BRINP3: variants seen among roughly 807,000 people sequenced by gnomAD.
BRINP3 encodes BMP/retinoic acid inducible neural specific 3.
A neutral mutation model predicts 71.0 loss-of-function variants in BRINP3; 19 were observed. That is an observed-to-expected ratio of 0.27 (90% CI 0.19 to 0.39). The LOEUF (loss-of-function observed/expected upper bound fraction) is 0.39, where lower values mean the gene tolerates loss of function less well. BRINP3 is among the 10% of genes least tolerant of loss of function. The probability of loss-of-function intolerance (pLI) is 1.00; values close to 1 mark genes in which losing one functional copy is unlikely to be tolerated. For missense variants in BRINP3, 959 were observed against 940.8 expected (o/e 1.02, Z -0.25); for synonymous variants, 380 against 337.7 (o/e 1.13, Z -1.37).
intron 3 of BRINP3, among the ~76,000 whole-genome samples, chr1:190,265,699 A>G (rs912524819): frequency 4.0e-5 from 6 of 151,682 alleles, no homozygotes; most frequent in Non-Finnish European, 8.8e-5. Context: ...TGGGCGACAG[A>G]GCGAGACTCC....
chr1:190,476,520 G>A (rs903704963), intron 1 of BRINP3, among the ~76,000 whole-genome samples: 1 of 152,144 alleles, frequency 6.6e-6, no homozygotes, highest in African/African-American at 2.4e-5. Context: ...CGGAAGAGGA[G>A]GTGATAATCT....
At chr1:190,229,689 C>CACACACACACAA (rs1343331809) in intron 5 of BRINP3, among the ~76,000 whole-genome samples, 1 of 145,674 alleles carries the variant, frequency 6.9e-6, no homozygotes, top group Non-Finnish European at 1.5e-5. Context: ...CACACACACA[C>CACACACACACAA]AAAGAAACCA....
chr1:190,336,670 A>G lies in BRINP3; in HGVS notation c.237-54920T>C, dbSNP rs187869401. On this transcript the variant is annotated intron_variant, in intron 2 of 7. Coordinates refer to ENST00000367462, the MANE Select transcript of BRINP3 (RefSeq NM_199051.3). ...AACTGGTGTAGACAAAATAGCATGCATCCAGCACTGCAAAACGTGCTCTTT... is the reference window on the plus strand; with the variant it reads ...AACTGGTGTAGACAAAATAGCATGCGTCCAGCACTGCAAAACGTGCTCTTT... Among the ~76,000 whole-genome samples, 318 of 152,152 alleles carry G rather than the reference A, an allele frequency of 2.1e-3. 1 individual carries two copies. Among genetic ancestry groups the G allele is most frequent in the African/African-American group, 6.5e-3 (269 of 41,558 alleles).
At chr1:190,366,767 A>G (rs745901864) in intron 2 of BRINP3, among the ~76,000 whole-genome samples, 2 of 152,222 alleles carry the variant, frequency 1.3e-5, no homozygotes, top group East Asian at 3.9e-4. Flanking sequence ...CAAAGGGGCT[A>G]CAGTCCCCAT....
intron 2 of BRINP3, among the ~76,000 whole-genome samples, chr1:190,282,542 T>TA (rs1229289953): frequency 6.6e-6 from 1 of 151,996 alleles, no homozygotes; most frequent in Non-Finnish European, 1.5e-5. Context: ...CACTCTTCAT[T>TA]AGGCTTAATA....
At chr1:190,451,272 C>G (rs745605089) in intron 2 of BRINP3, among the ~76,000 whole-genome samples, 2 of 152,068 alleles carry the variant, frequency 1.3e-5, no homozygotes, top group Non-Finnish European at 2.9e-5. Flanking sequence ...AAGTTGCCAG[C>G]CTCTGACCTT....
intron 2 of BRINP3, among the ~76,000 whole-genome samples, chr1:190,301,415 A>G (rs1664731704): frequency 6.6e-6 from 1 of 150,628 alleles, no homozygotes; most frequent in Non-Finnish European, 1.5e-5. Context: ...TTTTCACTTC[A>G]CCTGTCAAAA....
chr1:190,226,787 G>A (rs2102704277), intron 5 of BRINP3, among the ~76,000 whole-genome samples: 1 of 152,030 alleles, frequency 6.6e-6, no homozygotes, highest in Non-Finnish European at 1.5e-5. Context: ...CATATTGAAT[G>A]TTGATGGTAA....
At chr1:190,237,523 T>A (rs190114143) in intron 4 of BRINP3, among the ~76,000 whole-genome samples, 33 of 152,070 alleles carry the variant, frequency 2.2e-4, no homozygotes, top group Admixed American at 2.0e-3. Flanking sequence ...AGTAACAAAT[T>A]CCCATGATGG....
At chr1:190,203,029 G>A (rs1055527530) in intron 6 of BRINP3, among the ~76,000 whole-genome samples, 2 of 152,058 alleles carry the variant, frequency 1.3e-5, no homozygotes, top group African/African-American at 4.8e-5. Context: ...CTAGGAAGCT[G>A]TCATTTTTAC....
chr1:190,304,274 A>G lies in BRINP3; in HGVS notation c.237-22524T>C, dbSNP rs547448628. On this transcript the variant is annotated intron_variant, in intron 2 of 7. Coordinates refer to ENST00000367462, the MANE Select transcript of BRINP3 (RefSeq NM_199051.3). Reference sequence around the variant, plus strand: ...TGCATTTACACTTTTCAATAAACATATAAACATATCCCTAGGTAGCTAGTA... The same window carrying G: ...TGCATTTACACTTTTCAATAAACATGTAAACATATCCCTAGGTAGCTAGTA... 3.3e-5 allele frequency among the ~76,000 whole-genome samples: 5 copies of G among 151,996 alleles called. No individual in the cohort carries two copies. The South Asian group carries it at 1.0e-3, about 31-fold the overall frequency.
In BRINP3 at chr1:190,098,579, G is replaced by A. The variant is rs1411403039; in HGVS notation, c.1740C>T (p.His580=). 2 of 1,614,166 alleles carry A rather than the reference G, an allele frequency of 1.2e-6. No individual in the cohort carries two copies. Among genetic ancestry groups the A allele is most frequent in the South Asian group, 1.1e-5 (1 of 91,086 alleles). ...AVYVNPFGGS[H]SESWFMPVNE... The stretch of plus-strand genomic sequence containing the variant: ...TCACAGGCATAAACCAGCTCTCAGA[G>A]TGGCTGCCTCCGAAGGGATTGACAT... The change falls in exon 8 of 8, where the codon CAC becomes CAT. Residue 580 remains histidine (H), a synonymous_variant. Coordinates refer to ENST00000367462, the MANE Select transcript of BRINP3 (RefSeq NM_199051.3).
chr1:190,385,029 A>T (rs994156103), intron 2 of BRINP3, among the ~76,000 whole-genome samples: 1 of 152,042 alleles, frequency 6.6e-6, no homozygotes, highest in African/African-American at 2.4e-5. Context: ...TAGAAAGCTG[A>T]AACTGGATCC....
intron 4 of BRINP3, among the ~76,000 whole-genome samples, chr1:190,237,446 C>A (rs1658629092): frequency 6.6e-6 from 1 of 151,682 alleles, no homozygotes; most frequent in Non-Finnish European, 1.5e-5. Flanking sequence ...TACAGAGATG[C>A]TAACTGTGCC....
intron 2 of BRINP3, among the ~76,000 whole-genome samples, chr1:190,369,155 A>C (rs1485870932): frequency 7.2e-5 from 11 of 152,148 alleles, no homozygotes; most frequent in African/African-American, 2.7e-4. Context: ...TTAATAAAGA[A>C]GGTATATATA....
intron 7 of BRINP3, among the ~76,000 whole-genome samples, chr1:190,154,366 A>G (rs183306124): frequency 9.7e-4 from 147 of 152,300 alleles, no homozygotes; most frequent in African/African-American, 2.6e-3. Flanking sequence ...GGCATTCTCT[A>G]TCCTAAAGAG....
chr1:190,201,688 G>A (rs977212266), intron 6 of BRINP3, among the ~76,000 whole-genome samples: 4 of 151,634 alleles, frequency 2.6e-5, no homozygotes, highest in Non-Finnish European at 5.9e-5. Flanking sequence ...CATCCCAGCT[G>A]CTCCAGCCAT....
intron 2 of BRINP3, among the ~76,000 whole-genome samples, chr1:190,408,098 T>C (rs1017781780): frequency 2.9e-5 from 4 of 138,290 alleles, no homozygotes; most frequent in Admixed American, 8.2e-5. Context: ...CTCGGCTCAC[T>C]GCAAGCTCCG....
At chr1:190,120,688 A>G (rs917125522) in intron 7 of BRINP3, among the ~76,000 whole-genome samples, 1 of 149,554 alleles carries the variant, frequency 6.7e-6, no homozygotes, top group Non-Finnish European at 1.5e-5. Flanking sequence ...TATTTTTAGT[A>G]AAGACGGAAT....
Sources: allele counts gnomAD v4.1 joint callset (sites outside exome capture counted in the v4.1 genomes callset), GRCh38; gene constraint gnomAD v4.1.1; transcripts MANE v1.5; gene names NCBI Gene and HGNC (gene_info 2026-07-23, HGNC 2026-07-21).